SEMA3A: variants seen among roughly 807,000 people sequenced by gnomAD.
The protein encoded by SEMA3A is semaphorin 3A, also known as semaphorin-3A.
In SEMA3A, 29 loss-of-function variants were observed where a neutral mutation model predicts 97.9. That is an observed-to-expected ratio of 0.30 (90% confidence interval 0.22 to 0.40). The LOEUF (loss-of-function observed/expected upper bound fraction) is 0.40, where lower values mean the gene tolerates loss of function less well. SEMA3A is among the 10% of genes least tolerant of loss of function. The pLI, the probability that SEMA3A is intolerant of heterozygous loss-of-function variation, is 1.00. For missense variants in SEMA3A, 763 were observed against 951.3 expected (o/e 0.80, Z 2.60); for synonymous variants, 321 against 323.7 (o/e 0.99, Z 0.09).
At chr7:84,104,073 T>C (rs1795036864) in intron 4 of SEMA3A, among the ~76,000 whole-genome samples, 1 of 152,056 alleles carries the variant, frequency 6.6e-6, no homozygotes, top group African/African-American at 2.4e-5. Context: ...TAGGTATTAG[T>C]CTACAAGGAA....
chr7:84,136,238 A>G (rs980000928), intron 1 of SEMA3A, among the ~76,000 whole-genome samples: 1 of 152,126 alleles, frequency 6.6e-6, no homozygotes, highest in Non-Finnish European at 1.5e-5. Context: ...TGCAATGTAG[A>G]CCTGTCCTCT....
At chr7:84,331,259 A>T (rs1197478036) in intron 2 of SEMA3A, among the ~76,000 whole-genome samples, 1 of 152,126 alleles carries the variant, frequency 6.6e-6, no homozygotes, top group Admixed American at 6.6e-5. Context: ...GGGTATTTGG[A>T]AGAATTTTTG....
intron 6 of SEMA3A, among the ~76,000 whole-genome samples, chr7:84,038,347 T>C (rs1455960242): frequency 1.3e-5 from 2 of 152,182 alleles, no homozygotes; most frequent in African/African-American, 4.8e-5. Context: ...ACTCAGTATA[T>C]TTATGTATTT....
chr7:84,035,861 T>C lies in SEMA3A; in HGVS notation c.667+10463A>G, dbSNP rs150607920. On this transcript the variant is annotated intron_variant, in intron 6 of 16. Transcript: ENST00000265362. ...CACAATTTACTTATAGTTAGGGACA[T>C]TTGTCACTGAGATAACACAATTTAA... Among the ~76,000 whole-genome samples, 17 of 152,190 alleles carry C rather than the reference T, an allele frequency of 1.1e-4. No homozygotes were observed. The East Asian group carries it at 3.3e-3, about 29-fold the overall frequency.
At chr7:84,477,556 A>G (rs1265370665) in intron 1 of SEMA3A, among the ~76,000 whole-genome samples, 1 of 152,066 alleles carries the variant, frequency 6.6e-6, no homozygotes, top group African/African-American at 2.4e-5. Flanking sequence ...CTGAAAAGAT[A>G]GAAATTTACT....
At chr7:84,448,586 A>G (rs978262563) in intron 1 of SEMA3A, among the ~76,000 whole-genome samples, 1 of 152,252 alleles carries the variant, frequency 6.6e-6, no homozygotes, top group Non-Finnish European at 1.5e-5. Flanking sequence ...CAAAATTAAA[A>G]TCTTAGGAAT....
At chr7:83,977,702 T>A (rs1789208844) in intron 14 of SEMA3A, among the ~76,000 whole-genome samples, 1 of 152,044 alleles carries the variant, frequency 6.6e-6, no homozygotes, top group Admixed American at 6.5e-5. Context: ...AATAGACTTT[T>A]GCTAAATTTT....
At chr7:84,118,286 A>G (rs1795495419) in intron 3 of SEMA3A, among the ~76,000 whole-genome samples, 1 of 152,218 alleles carries the variant, frequency 6.6e-6, no homozygotes, top group African/African-American at 2.4e-5. Flanking sequence ...AGCAGTAAAA[A>G]TGCCAGGATT....
intron 13 of SEMA3A, 149 bp from the exon 14 acceptor site, chr7:83,981,627 CCTT>C (rs1789421263): frequency 6.2e-6 from 4 of 641,084 alleles, no homozygotes; most frequent in Non-Finnish European, 9.9e-6. Flanking sequence ...TCTTTAAAGG[CCTT>C]CTAGACAAGA....
rs759578109 is a variant in SEMA3A at position 83,981,421 on chromosome 7, C to T, written c.1552G>A (p.Asp518Asn). Residue 518 changes from aspartate to asparagine, a missense_variant, in exon 14 of 17, where the codon GAT becomes AAT. Transcript: ENST00000265362. ...GVAQLPLHRC[D>N]IYGKACAECC... ...TCAGCACACGCTTTCCCGTAAATAT[C>T]ACACCGGTGTAAAGGGAGCTGGGCA... The T allele has an allele frequency of 6.2e-7, 1 of 1,613,802 alleles. No homozygotes were observed. Among genetic ancestry groups the T allele is most frequent in the Non-Finnish European group, 8.5e-7 (1 of 1,179,810 alleles).
intron 5 of SEMA3A, among the ~76,000 whole-genome samples, chr7:84,054,956 C>T (rs1416598600): frequency 1.3e-5 from 2 of 152,042 alleles, no homozygotes; most frequent in African/African-American, 2.4e-5. Flanking sequence ...TGTTGGAGTA[C>T]CCTGCCATGT....
At chr7:84,011,592 A>G (rs1790875477) in intron 7 of SEMA3A, among the ~76,000 whole-genome samples, 1 of 152,200 alleles carries the variant, frequency 6.6e-6, no homozygotes, top group Admixed American at 6.5e-5. Context: ...ATCAATGGAT[A>G]AAGAAATTGT....
At chr7:84,355,442 C>T (rs941397331) in intron 2 of SEMA3A, among the ~76,000 whole-genome samples, 4 of 151,802 alleles carry the variant, frequency 2.6e-5, no homozygotes, top group Non-Finnish European at 5.9e-5. Flanking sequence ...ACAGGAAATA[C>T]ACAAACACAT....
chr7:84,300,032 C>CGAAAAAAAAAA (rs1800969736), intron 3 of SEMA3A, among the ~76,000 whole-genome samples: 1 of 53,316 alleles, frequency 1.9e-5, no homozygotes, highest in African/African-American at 7.0e-5. Flanking sequence ...GACTCAGTCA[C>CGAAAAAAAAAA]AAAAAAAAAA....
intron 3 of SEMA3A, among the ~76,000 whole-genome samples, chr7:84,237,093 A>G (rs1263671028): frequency 2.6e-5 from 4 of 152,282 alleles, no homozygotes; most frequent in East Asian, 1.9e-4. Context: ...CCCAACATTA[A>G]TAGTGAAAAC....
intron 3 of SEMA3A, among the ~76,000 whole-genome samples, chr7:84,299,094 G>C (rs1338569305): frequency 6.6e-6 from 1 of 151,878 alleles, no homozygotes; most frequent in Non-Finnish European, 1.5e-5. Flanking sequence ...CTACTTTTGA[G>C]GTTTTGGAAG....
At chr7:84,397,005 A>T (rs943648696) in intron 1 of SEMA3A, among the ~76,000 whole-genome samples, 2 of 152,040 alleles carry the variant, frequency 1.3e-5, no homozygotes, top group Non-Finnish European at 2.9e-5. Context: ...TTTGTTCTGT[A>T]CCAATCAGAA....
intron 1 of SEMA3A, among the ~76,000 whole-genome samples, chr7:84,411,220 G>A (rs993086128): frequency 2.0e-5 from 3 of 151,874 alleles, no homozygotes; most frequent in Non-Finnish European, 4.4e-5. Flanking sequence ...AATTGGTAGC[G>A]GTCCACTTGG....
chr7:84,077,021 T>C (rs1037616082), intron 4 of SEMA3A, among the ~76,000 whole-genome samples: 1 of 152,140 alleles, frequency 6.6e-6, no homozygotes, highest in African/African-American at 2.4e-5. Flanking sequence ...AGATATCATA[T>C]GCCTGCCATG....
Sources: allele counts gnomAD v4.1 joint callset (sites outside exome capture counted in the v4.1 genomes callset), GRCh38; gene constraint gnomAD v4.1.1; transcripts MANE v1.5; gene names NCBI Gene and HGNC (gene_info 2026-07-23, HGNC 2026-07-21).